The following B3GALT1 variants were observed in gnomAD, a reference collection of about 807,000 sequenced individuals.
B3GALT1 encodes beta-1,3-galactosyltransferase 1, also known as UDP-Gal:betaGlcNAc beta 1,3-galactosyltransferase, polypeptide 1.
A neutral mutation model predicts 23.2 loss-of-function variants in B3GALT1; 10 were observed. The ratio of observed to expected loss-of-function variants is 0.43; its 90% CI spans 0.27 to 0.73. The LOEUF (loss-of-function observed/expected upper bound fraction) is 0.73. B3GALT1 is among the 30% of genes least tolerant of loss of function. The pLI, the probability that B3GALT1 is intolerant of heterozygous loss-of-function variation, is 0.21. For missense variants in B3GALT1, 299 were observed against 405.4 expected, an observed-to-expected ratio of 0.74 and a Z score of 2.25; for synonymous variants, 156 against 141.5, an observed-to-expected ratio of 1.10 and a Z score of -0.73.
At chr2:167,676,411 C>G (rs1436046058) in intron 3 of B3GALT1, among the ~76,000 whole-genome samples, 2 of 151,802 alleles carry the variant, frequency 1.3e-5, no homozygotes, top group African/African-American at 4.8e-5. Context: ...GCTAAAGATG[C>G]ATCAGATGAG....
At chr2:167,506,436 T>G (rs1026154274) in intron 2 of B3GALT1, among the ~76,000 whole-genome samples, 1 of 152,154 alleles carries the variant, frequency 6.6e-6, no homozygotes, top group Admixed American at 6.5e-5. Context: ...ATTACCACCC[T>G]AGAAATAGAA....
At chr2:167,408,171 C>T (rs1196216623) in intron 1 of B3GALT1, among the ~76,000 whole-genome samples, 1 of 151,922 alleles carries the variant, frequency 6.6e-6, no homozygotes, top group Non-Finnish European at 1.5e-5. Flanking sequence ...AAAGATTATT[C>T]ATCATAACAA....
intron 4 of B3GALT1, among the ~76,000 whole-genome samples, chr2:167,822,035 G>A (rs1049893417): frequency 2.0e-4 from 31 of 152,168 alleles, no homozygotes; most frequent in African/African-American, 7.2e-4. Flanking sequence ...CCACACAGTG[G>A]AGGAAGCAGC....
intron 3 of B3GALT1, among the ~76,000 whole-genome samples, chr2:167,794,467 C>T (rs1353090059): frequency 6.6e-6 from 1 of 152,134 alleles, no homozygotes; most frequent in Non-Finnish European, 1.5e-5. Flanking sequence ...ATAACAATAA[C>T]CAGAGCATTT....
At chr2:167,825,238 C>T (rs1333871862) in intron 4 of B3GALT1, among the ~76,000 whole-genome samples, 5 of 146,038 alleles carry the variant, frequency 3.4e-5, no homozygotes, top group East Asian at 2.0e-4. Flanking sequence ...GAGCCGAGAT[C>T]GCGCCACTGT....
chr2:167,513,780 TA>T (rs1417971898), intron 2 of B3GALT1, among the ~76,000 whole-genome samples: 4 of 152,180 alleles, frequency 2.6e-5, no homozygotes, highest in Admixed American at 2.6e-4. Context: ...ACATATTTTT[TA>T]AAAGAATAAA....
intron 1 of B3GALT1, among the ~76,000 whole-genome samples, chr2:167,302,143 G>A (rs1696458301): frequency 6.6e-6 from 1 of 152,104 alleles, no homozygotes; most frequent in Non-Finnish European, 1.5e-5. Context: ...TTGGAAAATG[G>A]TGATGAAATA....
rs1333985036 is a variant in B3GALT1 at position 167,870,716 on chromosome 2, T to TTTTTTCTTTC, written c.*702_*711dup. On this transcript the variant is annotated 3_prime_UTR_variant, in exon 5 of 5. Coordinates refer to ENST00000392690, the MANE Select transcript of B3GALT1 (RefSeq NM_020981.4). The stretch of plus-strand genomic sequence containing the variant: ...TAAACAAAAGATTTTTTTTTTCTTT[T>TTTTTTCTTTC]TTTTTCTTTCTTTTTTGTTTTGCTC... 187 of 167,074 alleles carry TTTTTTCTTTC rather than the reference T, an allele frequency of 1.1e-3. No individual in the cohort carries two copies. Among genetic ancestry groups the TTTTTTCTTTC allele is most frequent in the African/African-American group, 4.3e-3 (180 of 41,480 alleles). 10.3% of individuals were successfully genotyped at this position (167,074 alleles called of 1,614,324 possible). A position where few individuals can be genotyped will look rare whatever the true frequency, so the allele number is the denominator to read the frequency against.
intron 1 of B3GALT1, among the ~76,000 whole-genome samples, chr2:167,469,479 G>GT (rs1699394614): frequency 6.6e-6 from 1 of 152,120 alleles, no homozygotes; most frequent in Admixed American, 6.5e-5. Flanking sequence ...AATTAAAATG[G>GT]TTTTATTCAC....
chr2:167,563,892 CGGCCGGGCGG>C (rs1684083506), intron 2 of B3GALT1, among the ~76,000 whole-genome samples: 1 of 5,054 alleles, frequency 2.0e-4, no homozygotes, highest in Non-Finnish European at 6.4e-4. Context: ...ACGGGGCGGC[CGGCCGGGCGG>C]GGCCGATCCC....
At chr2:167,373,874 T>C (rs1412206437) in intron 1 of B3GALT1, among the ~76,000 whole-genome samples, 1 of 152,112 alleles carries the variant, frequency 6.6e-6, no homozygotes, top group Admixed American at 6.6e-5. Context: ...CTTTTTCTTA[T>C]AGATTCAGGG....
chr2:167,793,049 T>C (rs1688472217), intron 3 of B3GALT1, among the ~76,000 whole-genome samples: 1 of 152,190 alleles, frequency 6.6e-6, no homozygotes, highest in East Asian at 1.9e-4. Flanking sequence ...ATGAAAATTA[T>C]ATAAACCGAA....
intron 3 of B3GALT1, among the ~76,000 whole-genome samples, chr2:167,723,026 G>C (rs1325007016): frequency 6.6e-6 from 1 of 152,330 alleles, no homozygotes; most frequent in East Asian, 1.9e-4. Flanking sequence ...AATTTTCTGT[G>C]AAGATAGTCT....
intron 3 of B3GALT1, among the ~76,000 whole-genome samples, chr2:167,807,002 G>A (rs912683655): frequency 2.6e-5 from 4 of 152,062 alleles, no homozygotes; most frequent in Admixed American, 2.0e-4. Flanking sequence ...TCCTGTTATT[G>A]GTCTATTCAG....
intron 1 of B3GALT1, among the ~76,000 whole-genome samples, chr2:167,437,925 A>G (rs1442450327): frequency 6.6e-6 from 1 of 152,216 alleles, no homozygotes; most frequent in East Asian, 1.9e-4. Flanking sequence ...AAGTCTGTTA[A>G]GGTAGACCCA....
At chr2:167,817,577 C>A (rs1418403591) in intron 3 of B3GALT1, among the ~76,000 whole-genome samples, 1 of 152,170 alleles carries the variant, frequency 6.6e-6, no homozygotes, top group Non-Finnish European at 1.5e-5. Context: ...AGTCTTTTAA[C>A]AGAAACTGGA....
At chr2:167,339,136 G>A (rs1322534597) in intron 1 of B3GALT1, among the ~76,000 whole-genome samples, 1 of 152,026 alleles carries the variant, frequency 6.6e-6, no homozygotes, top group Non-Finnish European at 1.5e-5. Flanking sequence ...TTAGACATGT[G>A]GAAGAAGAAA....
intron 1 of B3GALT1, among the ~76,000 whole-genome samples, chr2:167,313,933 T>C (rs913226044): frequency 6.6e-5 from 10 of 152,136 alleles, no homozygotes; most frequent in African/African-American, 2.4e-4. Context: ...GTTAAGAGTA[T>C]GTCTTCCCAC....
At chr2:167,521,745 T>A (rs1700190647) in intron 2 of B3GALT1, among the ~76,000 whole-genome samples, 1 of 151,980 alleles carries the variant, frequency 6.6e-6, no homozygotes, top group South Asian at 2.1e-4. Context: ...CTACTACCAT[T>A]ATTTTAAAAC....
Sources: gnomAD v4.1 joint callset for allele counts (sites outside exome capture counted in the v4.1 genomes callset) on GRCh38, gnomAD v4.1.1 for gene constraint, MANE v1.5 for transcripts, NCBI Gene and HGNC (gene_info 2026-07-23, HGNC 2026-07-21) for gene names.